Variants in MTHFD1L observed in about 807,000 individuals in gnomAD.
MTHFD1L encodes the protein monofunctional C1-tetrahydrofolate synthase, mitochondrial.
A neutral mutation model predicts 119.5 loss-of-function variants in MTHFD1L; 81 were observed. The observed-to-expected ratio is 0.68, with a 90% CI of 0.57 to 0.82. MTHFD1L has a LOEUF of 0.82. Ranked by LOEUF, MTHFD1L falls within the 40% of genes least tolerant of loss-of-function variation. The probability of loss-of-function intolerance (pLI) is 0.00; values close to 1 mark genes in which losing one functional copy is unlikely to be tolerated. For missense variants in MTHFD1L, 1,125 were observed against 1,253.4 expected, an observed-to-expected ratio of 0.90 and a Z score of 1.55; for synonymous variants, 430 against 475.2, an observed-to-expected ratio of 0.90 and a Z score of 1.24.
In MTHFD1L at chr6:151,084,729, G is replaced by A. The variant is rs1217378730; in HGVS notation, c.2848-7738G>A. ...GCCTGTAATCCCAGCACTTTGGGAG[G>A]CCGAGGCGGGCAGATCACGAGGTCA... On this transcript the variant is annotated intron_variant, in intron 26 of 27. Transcript: ENST00000367321. Among the ~76,000 whole-genome samples, 3 of 152,008 alleles carry A rather than the reference G, an allele frequency of 2.0e-5. No homozygotes were observed. The East Asian group carries it at 5.8e-4, about 29-fold the overall frequency.
intron 13 of MTHFD1L, among the ~76,000 whole-genome samples, chr6:150,942,255 G>A (rs954594265): frequency 1.3e-4 from 20 of 152,176 alleles, no homozygotes; most frequent in African/African-American, 3.6e-4. Flanking sequence ...GCGAGACTCC[G>A]TCTCCAAATA....
At chr6:150,991,656 G>C (rs987925682) in intron 20 of MTHFD1L, among the ~76,000 whole-genome samples, 3 of 152,158 alleles carry the variant, frequency 2.0e-5, no homozygotes, top group Non-Finnish European at 4.4e-5. Flanking sequence ...CAAACGACAG[G>C]CATGTGACTG....
At chr6:151,050,023 G>A (rs953060771) in intron 26 of MTHFD1L, among the ~76,000 whole-genome samples, 2 of 152,160 alleles carry the variant, frequency 1.3e-5, no homozygotes, top group Non-Finnish European at 1.5e-5. Context: ...AGAGGACAGG[G>A]TTCAAGGGGA....
At chr6:150,935,539 T>G in intron 11 of MTHFD1L, 1 of 1,544,464 alleles carries the variant, frequency 6.5e-7, no homozygotes, top group Non-Finnish European at 8.8e-7. Context: ...AAAGAAAAAT[T>G]TTGCGGCAAC....
At chr6:151,037,345 T>C (rs1381047048) in intron 26 of MTHFD1L, among the ~76,000 whole-genome samples, 1 of 152,210 alleles carries the variant, frequency 6.6e-6, no homozygotes, top group Non-Finnish European at 1.5e-5. Context: ...AGAGTCATAA[T>C]ACTAATTTCC....
At chr6:150,868,043 G>A (rs113078344) in intron 1 of MTHFD1L, among the ~76,000 whole-genome samples, 3 of 151,906 alleles carry the variant, frequency 2.0e-5, no homozygotes, top group South Asian at 4.1e-4. Flanking sequence ...CAGGTGATCC[G>A]ACTGCCTTGG....
intron 20 of MTHFD1L, among the ~76,000 whole-genome samples, chr6:150,995,722 A>G (rs1383428915): frequency 1.3e-5 from 2 of 151,682 alleles, no homozygotes; most frequent in Non-Finnish European, 2.9e-5. Flanking sequence ...GCTGGAGTGC[A>G]GTGGTGCAAT....
intron 26 of MTHFD1L, among the ~76,000 whole-genome samples, chr6:151,059,296 C>T (rs149737395): frequency 0.062 from 9,406 of 152,066 alleles, 315 homozygotes; most frequent in Middle Eastern, 0.089. Flanking sequence ...CTGCAACCTT[C>T]GCCTCCTGGG....
intron 20 of MTHFD1L, among the ~76,000 whole-genome samples, chr6:150,993,345 C>T (rs1249905046): frequency 6.6e-6 from 1 of 151,650 alleles, no homozygotes; most frequent in African/African-American, 2.4e-5. Context: ...TTTTTTTGGA[C>T]AGTCTTGCCC....
intron 26 of MTHFD1L, chr6:151,042,023 T>C (rs1787211257): frequency 2.8e-6 from 1 of 360,194 alleles, no homozygotes; most frequent in Admixed American, 4.1e-5. Context: ...ATTGCTTTAA[T>C]TGGCATTGGT....
rs180724863 is a variant in MTHFD1L at position 150,972,207 on chromosome 6, A to G, written c.2125+149A>G. Reference sequence around the variant, plus strand: ...AGGGTCTCAATAATGGAAAAGCCCTAAGGTCTGGTCTATACTCGTGAAATT... The same window carrying G: ...AGGGTCTCAATAATGGAAAAGCCCTGAGGTCTGGTCTATACTCGTGAAATT... On this transcript the variant is annotated intron_variant, in intron 20 of 27. Transcript: ENST00000367321. 1.3e-3 allele frequency: 911 copies of G among 695,496 alleles called. 8 individuals carry two copies. In the African/African-American group the frequency reaches 0.014, roughly 10 times the overall value. The allele number at this position is 695,496 out of a possible 1,614,324, so 43.1% of individuals were successfully genotyped here. A position where few individuals can be genotyped will look rare whatever the true frequency, so the allele number is the denominator to read the frequency against.
Position 150,960,398 on chromosome 6 carries a change from G to A in MTHFD1L, c.1927G>A (p.Val643Met), listed in dbSNP as rs1377555288. ...GGCCAGTGACAAAAGCGGGCAGCCTGTGACAGCAGATGATTTGGTGAGTGT... is the reference window on the plus strand; with the variant it reads ...GGCCAGTGACAAAAGCGGGCAGCCTATGACAGCAGATGATTTGGTGAGTGT... ...VVASDKSGQPVTADDLGVTGA... is the reference protein window; with the variant it reads ...VVASDKSGQPMTADDLGVTGA... Residue 643 changes from valine (V) to methionine (M), a missense_variant, in exon 18 of 28, where the codon GTG (valine) becomes ATG (methionine). By Grantham distance (21) the Val-to-Met change is conservative. This residue lies in a region of MTHFD1L where 1,058 missense variants were observed against 1,151.2 expected (regional missense o/e 0.92). Coordinates refer to ENST00000367321, the MANE Select transcript of MTHFD1L (RefSeq NM_015440.5). 1 of 1,610,940 alleles carries A rather than the reference G, an allele frequency of 6.2e-7. No homozygotes were observed. Among genetic ancestry groups the A allele is most frequent in the Admixed American group, 1.7e-5 (1 of 59,418 alleles).
intron 8 of MTHFD1L, among the ~76,000 whole-genome samples, chr6:150,908,054 C>A (rs7764006): frequency 0.013 from 1,895 of 149,874 alleles, 23 homozygotes; most frequent in Middle Eastern, 0.024. Context: ...CCTGTCACCA[C>A]GCCTGGCCAA....
chr6:150,946,236 G>C (rs9371479), intron 15 of MTHFD1L, among the ~76,000 whole-genome samples: 41,409 of 151,772 alleles, frequency 0.27, 6,551 homozygotes, highest in East Asian at 0.45. Flanking sequence ...TGCAACCTCT[G>C]CCTTCCTGGT....
At chr6:150,983,114 T>G (rs536198537) in intron 20 of MTHFD1L, among the ~76,000 whole-genome samples, 1 of 152,258 alleles carries the variant, frequency 6.6e-6, no homozygotes, top group Non-Finnish European at 1.5e-5. Context: ...TTGTCTATTT[T>G]GTATTGTGCT....
rs372002452 is a variant in MTHFD1L, at chr6:151,046,247, T to G, written c.2847+9130T>G. Among the ~76,000 whole-genome samples the G allele has an allele frequency of 2.0e-5, 3 of 152,066 alleles. 1 individual carries two copies. The highest frequency in any genetic ancestry group is 6.5e-5 in the Admixed American group (1 of 15,274). On this transcript the variant is annotated intron_variant, in intron 26 of 27. Coordinates refer to ENST00000367321, the MANE Select transcript of MTHFD1L (RefSeq NM_015440.5). The stretch of plus-strand genomic sequence containing the variant: ...TGTAATTCACTGCTATTAATCCCTG[T>G]GTATTAGTTCTGATTTTTTACTCTT...
chr6:151,056,724 G>T (rs1399447069), intron 26 of MTHFD1L, among the ~76,000 whole-genome samples: 1 of 152,142 alleles, frequency 6.6e-6, no homozygotes, highest in Admixed American at 6.5e-5. Flanking sequence ...CACAGAGAGG[G>T]TTTCCTGGGT....
intron 17 of MTHFD1L, among the ~76,000 whole-genome samples, chr6:150,957,165 A>G (rs1190307377): frequency 6.6e-6 from 1 of 152,178 alleles, no homozygotes; most frequent in African/African-American, 2.4e-5. Context: ...TGTGTTCCCT[A>G]TGTTCAGAAC....
intron 24 of MTHFD1L, among the ~76,000 whole-genome samples, chr6:151,020,552 C>T (rs541508075): frequency 3.6e-4 from 55 of 152,146 alleles, no homozygotes; most frequent in African/African-American, 1.3e-3. Flanking sequence ...ATTATGGTAC[C>T]GGATGGAGGC....
Sources: allele counts gnomAD v4.1 joint callset (sites outside exome capture counted in the v4.1 genomes callset), GRCh38; gene constraint gnomAD v4.1.1; regional missense constraint gnomAD v4.1.1; transcripts MANE v1.5; gene names NCBI Gene and HGNC (gene_info 2026-07-23, HGNC 2026-07-21).